Variants in NUMB observed in about 807,000 individuals in gnomAD.
The protein encoded by NUMB is protein numb homolog.
NUMB carries 29 observed loss-of-function variants against 59.7 expected under a neutral mutation model. The observed-to-expected ratio is 0.49, with a 90% CI of 0.36 to 0.66. The LOEUF (loss-of-function observed/expected upper bound fraction) is 0.66. NUMB is among the 30% of genes least tolerant of loss of function. NUMB has a pLI of 0.00. For synonymous variants in NUMB, 288 were observed against 288.2 expected (o/e 1.00, Z 0.01); for missense variants, 723 against 822.0 (o/e 0.88, Z 1.47).
intron 4 of NUMB, among the ~76,000 whole-genome samples, chr14:73,346,448 C>T (rs1594931457): frequency 6.6e-6 from 1 of 150,900 alleles, no homozygotes; most frequent in African/African-American, 2.4e-5. Flanking sequence ...CTATTGCACT[C>T]CAGCCTGGGC....
chr14:73,442,902 G>A (rs574378992), intron 1 of NUMB, among the ~76,000 whole-genome samples: 2 of 152,002 alleles, frequency 1.3e-5, no homozygotes, highest in South Asian at 2.1e-4. Flanking sequence ...TGGCTCTGTC[G>A]TCCCATCTGG....
intron 1 of NUMB, among the ~76,000 whole-genome samples, chr14:73,433,346 C>G (rs1188694237): frequency 6.6e-6 from 1 of 151,808 alleles, no homozygotes; most frequent in African/African-American, 2.4e-5. Context: ...CGCTTGAACC[C>G]GGGAGACGGA....
intron 2 of NUMB, among the ~76,000 whole-genome samples, chr14:73,394,405 TA>T (rs74677402): frequency 0.16 from 22,565 of 137,302 alleles, 2,464 homozygotes; most frequent in Non-Finnish European, 0.24. Flanking sequence ...CAGTTTTCTT[TA>T]AAAAAAAAAA....
At chr14:73,397,122 C>T (rs1194993519) in intron 2 of NUMB, among the ~76,000 whole-genome samples, 2 of 151,086 alleles carry the variant, frequency 1.3e-5, no homozygotes, top group Admixed American at 6.6e-5. Context: ...AGTGATATGC[C>T]GTCTCAAAAA....
chr14:73,377,648 A>AAAC (rs374834634), intron 2 of NUMB, among the ~76,000 whole-genome samples: 12 of 151,686 alleles, frequency 7.9e-5, no homozygotes, highest in Admixed American at 2.0e-4. Context: ...ACAAACAAAC[A>AAAC]AACAACAACA....
chr14:73,451,085 C>T (rs541911167), intron 1 of NUMB, among the ~76,000 whole-genome samples: 228 of 131,682 alleles, frequency 1.7e-3, no homozygotes, highest in African/African-American at 6.3e-3. Context: ...ACCCAGGAGG[C>T]GGAGGTTGCA....
At chr14:73,409,588 A>C (rs1410053770) in intron 2 of NUMB, 1 of 152,316 alleles carries the variant, frequency 6.6e-6, no homozygotes, top group Non-Finnish European at 1.5e-5. Context: ...CTCAAACTGC[A>C]AATATATGAA....
chr14:73,363,067 C>T (rs910640545), intron 3 of NUMB, among the ~76,000 whole-genome samples: 41 of 151,928 alleles, frequency 2.7e-4, no homozygotes, highest in Admixed American at 3.3e-4. Flanking sequence ...AGGCTGAGGC[C>T]GGTGGATCAC....
At chr14:73,365,339 C>A (rs1594952799) in intron 3 of NUMB, among the ~76,000 whole-genome samples, 2 of 152,236 alleles carry the variant, frequency 1.3e-5, no homozygotes, top group South Asian at 4.1e-4. Flanking sequence ...TCATGCCTGG[C>A]CATCTTATTT....
intron 1 of NUMB, among the ~76,000 whole-genome samples, chr14:73,452,574 C>T (rs1351073809): frequency 2.0e-5 from 3 of 152,084 alleles, no homozygotes; most frequent in Non-Finnish European, 4.4e-5. Flanking sequence ...ACAGGGTTTT[C>T]GTGGGTAGAG....
intron 1 of NUMB, among the ~76,000 whole-genome samples, chr14:73,441,286 C>T (rs1883045376): frequency 6.6e-6 from 1 of 152,096 alleles, no homozygotes; most frequent in South Asian, 2.1e-4. Flanking sequence ...GGCACAGTGG[C>T]TCACTGTAAT....
intron 1 of NUMB, among the ~76,000 whole-genome samples, chr14:73,417,438 A>G (rs934277054): frequency 6.6e-6 from 1 of 151,880 alleles, no homozygotes. Flanking sequence ...GGGGCAACTG[A>G]GCCATACCGC....
intron 4 of NUMB, among the ~76,000 whole-genome samples, chr14:73,347,494 A>C (rs1228869844): frequency 6.6e-6 from 1 of 152,116 alleles, no homozygotes; most frequent in Non-Finnish European, 1.5e-5. Flanking sequence ...GACAAGCTTG[A>C]ATTAGATTTG....
At chr14:73,418,336 G>C (rs534256317) in intron 1 of NUMB, among the ~76,000 whole-genome samples, 1 of 152,268 alleles carries the variant, frequency 6.6e-6, no homozygotes, top group East Asian at 1.9e-4. Flanking sequence ...GAGAGGAGTG[G>C]GGTATAGGAA....
intron 2 of NUMB, among the ~76,000 whole-genome samples, chr14:73,370,341 T>C (rs1214992117): frequency 1.3e-5 from 2 of 152,162 alleles, no homozygotes; most frequent in African/African-American, 4.8e-5. Context: ...AGCAAATAAA[T>C]ATAGAACATG....
intron 2 of NUMB, among the ~76,000 whole-genome samples, chr14:73,380,254 G>A (rs1182878491): frequency 6.6e-6 from 1 of 152,182 alleles, no homozygotes; most frequent in African/African-American, 2.4e-5. Flanking sequence ...AGAACTAACA[G>A]GATTTTGTTA....
At chr14:73,387,740 A>C (rs540689932) in intron 2 of NUMB, among the ~76,000 whole-genome samples, 48 of 149,196 alleles carry the variant, frequency 3.2e-4, no homozygotes, top group Admixed American at 1.9e-3. Flanking sequence ...CTCAAAAAAA[A>C]AAAAACAAAA....
intron 1 of NUMB, among the ~76,000 whole-genome samples, chr14:73,415,323 G>A (rs1311086952): frequency 6.6e-6 from 1 of 152,058 alleles, no homozygotes. Context: ...ATTGTTACTA[G>A]TGAAAACACC....
chr14:73,295,550 T>C (rs1470583319), intron 7 of NUMB, among the ~76,000 whole-genome samples: 1 of 152,174 alleles, frequency 6.6e-6, no homozygotes, highest in Non-Finnish European at 1.5e-5. Context: ...GTGAAGACTA[T>C]TGCTTCTCTT....
Sources: allele counts gnomAD v4.1 joint callset (sites outside exome capture counted in the v4.1 genomes callset), GRCh38; gene constraint gnomAD v4.1.1; transcripts MANE v1.5; gene names NCBI Gene and HGNC (gene_info 2026-07-23, HGNC 2026-07-21).